FAHD2B: variants seen among roughly 807,000 people sequenced by gnomAD.
The protein encoded by FAHD2B is fumarylacetoacetate hydrolase domain containing 2B.
Under a neutral mutation model 33.7 loss-of-function variants are expected in FAHD2B, and 26 were observed. The ratio of observed to expected loss-of-function variants is 0.77; its 90% confidence interval spans 0.57 to 1.07. The LOEUF is 1.07. FAHD2B is among the 50% of genes least tolerant of loss of function. FAHD2B has a pLI of 0.00. For missense variants in FAHD2B, 272 were observed against 388.1 expected (o/e 0.70, Z 2.51); for synonymous variants, 108 against 150.9 (o/e 0.72, Z 2.08).
In FAHD2B at chr2:97,086,244, C is replaced by T. The variant is rs191984260; in HGVS notation, c.463-46G>A. On this transcript the variant is annotated intron_variant, in intron 4 of 8. Coordinates refer to ENST00000414820, the MANE Select transcript of FAHD2B (RefSeq NM_001320848.2). The stretch of plus-strand genomic sequence containing the variant: ...AGTGAGCCGCAGTGGCTTCGGGGCC[C>T]ATTATCTATGCTCAGAGGCTGTACG... The T allele has an allele frequency of 2.5e-6, 4 of 1,600,788 alleles. No individual in the cohort carries two copies. The Admixed American group carries it at 5.2e-5, about 21-fold the overall frequency.
At chr2:97,084,659 G>A (rs1021879233) in intron 6 of FAHD2B, among the ~76,000 whole-genome samples, 1 of 152,066 alleles carries the variant, frequency 6.6e-6, no homozygotes, top group Non-Finnish European at 1.5e-5. Context: ...TGTAATCATA[G>A]CACTTTGGGA....
chr2:97,087,283 A>C lies in FAHD2B; in HGVS notation c.463-1085T>G, dbSNP rs1390551131. ...AGCCAGGATGGTCTTGATCTCCTGA[A>C]CTCGTGATCTGCCCGCTTTGGCCTC... On this transcript the variant is annotated intron_variant, in intron 4 of 8. Transcript: ENST00000414820. Among the ~76,000 whole-genome samples, 12 of 151,990 alleles carry C rather than the reference A, an allele frequency of 7.9e-5. No individual in the cohort carries two copies. In the East Asian group the frequency reaches 1.9e-3, roughly 25 times the overall value.
chr2:97,083,502 C>T, downstream of FAHD2B: 1 of 712,632 alleles, frequency 1.4e-6, no homozygotes, highest in Non-Finnish European at 2.0e-6. Flanking sequence ...TGTATTTGCT[C>T]TCTTCTTCCC....
chr2:97,089,395 T>C (rs2032192052), intron 4 of FAHD2B, among the ~76,000 whole-genome samples: 1 of 148,826 alleles, frequency 6.7e-6, no homozygotes, highest in Admixed American at 6.8e-5. Flanking sequence ...GGCATGCGCC[T>C]GTAGTCCCAG....
intron 1 of FAHD2B, among the ~76,000 whole-genome samples, chr2:97,094,244 C>T (rs2032528337): frequency 6.6e-6 from 1 of 152,020 alleles, no homozygotes; most frequent in Non-Finnish European, 1.5e-5. Flanking sequence ...CCACATGACA[C>T]ACACATGCAG....
At chr2:97,081,315 C>A, downstream of FAHD2B, 1 of 1,515,988 alleles carries the variant, frequency 6.6e-7, no homozygotes. Context: ...AATGGCCCAT[C>A]CCTGCCCATG....
chr2:97,092,315 A>G (rs928460071), intron 1 of FAHD2B, among the ~76,000 whole-genome samples: 3 of 152,120 alleles, frequency 2.0e-5, no homozygotes, highest in Non-Finnish European at 4.4e-5. Context: ...ATCAAGCTAG[A>G]ACCTCTACCA....
At chr2:97,085,032 T>C (rs1393865756) in intron 6 of FAHD2B, among the ~76,000 whole-genome samples, 1 of 152,124 alleles carries the variant, frequency 6.6e-6, no homozygotes, top group African/African-American at 2.4e-5. Flanking sequence ...ACATCCTGGC[T>C]AACCAGCACT....
At chr2:97,081,737 GCACTGGA>G (rs1334746976), downstream of FAHD2B, among the ~76,000 whole-genome samples, 1 of 148,650 alleles carries the variant, frequency 6.7e-6, no homozygotes, top group African/African-American at 2.6e-5. Flanking sequence ...TCTCTGGATA[GCACTGGA>G]CATGTGTGCC....
At chr2:97,084,467 CCCA>C (rs200616594) in intron 6 of FAHD2B, among the ~76,000 whole-genome samples, 190 bp from the exon 7 acceptor site, 12 of 151,944 alleles carry the variant, frequency 7.9e-5, no homozygotes, top group African/African-American at 2.7e-4. Context: ...TCCCTGCATC[CCCA>C]CCAAGAGCAC....
chr2:97,079,789 C>T (rs1003711537), downstream of FAHD2B, among the ~76,000 whole-genome samples: 51 of 151,870 alleles, frequency 3.4e-4, no homozygotes, highest in African/African-American at 1.1e-3. Context: ...CTCAGCCTCC[C>T]GAGTAGCTGG....
chr2:97,079,918 G>T (rs2031587660), downstream of FAHD2B, among the ~76,000 whole-genome samples: 1 of 151,912 alleles, frequency 6.6e-6, no homozygotes, highest in Non-Finnish European at 1.5e-5. Flanking sequence ...TCCTGCCTTG[G>T]CCTCCCACAG....
Position 97,094,069 on chromosome 2 carries a change from TA to T in FAHD2B, c.-133+631del, listed in dbSNP as rs546559531. 5.2e-3 allele frequency among the ~76,000 whole-genome samples: 785 copies of T among 152,126 alleles called. 8 individuals carry two copies. Among genetic ancestry groups the T allele is most frequent in the African/African-American group, 0.018 (754 of 41,524 alleles). ...TCCATAGGAAATCCTCCAAAGGCCC[TA>T]AAGATTGTAGTGAGAAGTAGGGACC... is the stretch of plus-strand genomic sequence containing the variant. On this transcript the variant is annotated intron_variant, in intron 1 of 8. Transcript: ENST00000414820.
chr2:97,087,177 G>A (rs1246549123), intron 4 of FAHD2B, among the ~76,000 whole-genome samples: 2 of 151,704 alleles, frequency 1.3e-5, no homozygotes, highest in Non-Finnish European at 2.9e-5. Flanking sequence ...TCAGCCTCCC[G>A]AGTAGCTGGG....
In FAHD2B at chr2:97,086,055, C is replaced by T. The variant is rs374830049; in HGVS notation, c.522+84G>A. On this transcript the variant is annotated intron_variant, in intron 5 of 8. Coordinates refer to ENST00000414820, the MANE Select transcript of FAHD2B (RefSeq NM_001320848.2). Reference sequence around the variant, plus strand: ...GTCAGGGACAGCTGGTGCCGTGTGTCGGTGAGTGAGGTCAGAACTAGGAGA... The same window carrying T: ...GTCAGGGACAGCTGGTGCCGTGTGTTGGTGAGTGAGGTCAGAACTAGGAGA... 3.7e-3 allele frequency: 5,588 copies of T among 1,502,510 alleles called. 32 individuals carry two copies. Among genetic ancestry groups the T allele is most frequent in the East Asian group, 0.017 (713 of 42,658 alleles). The allele number at this position is 1,502,510 out of a possible 1,614,324, so 93.1% of individuals were successfully genotyped here. A position where few individuals can be genotyped will look rare whatever the true frequency, so the allele number is the denominator to read the frequency against.
At chr2:97,083,434 G>A, downstream of FAHD2B, 1 of 1,398,656 alleles carries the variant, frequency 7.1e-7, no homozygotes. Flanking sequence ...TGATAAACAA[G>A]GGGACGAGAC....
chr2:97,079,051 A>T (rs1180145562), downstream of FAHD2B, among the ~76,000 whole-genome samples: 1 of 152,114 alleles, frequency 6.6e-6, no homozygotes, highest in African/African-American at 2.4e-5. Flanking sequence ...TAGTTTGCTA[A>T]GGATAATGGC....
chr2:97,084,302 G>A (rs1480336376), intron 6 of FAHD2B, 25 bp from the exon 7 acceptor site: 4 of 1,611,608 alleles, frequency 2.5e-6, no homozygotes, highest in Non-Finnish European at 2.5e-6. Flanking sequence ...TGGAACCTTG[G>A]AGTTATCCCT....
chr2:97,091,478 G>A lies in FAHD2B; in HGVS notation c.229C>T (p.Leu77Phe), dbSNP rs1418738856. 6.2e-7 allele frequency: 1 copy of A among 1,612,476 alleles called. No individual in the cohort carries two copies. Among genetic ancestry groups the A allele is most frequent in the Admixed American group, 1.7e-5 (1 of 59,786 alleles). The part of the protein sequence containing the change: ...TQFLEQGEAT[L>F]SVARRALAAQ... ...CTTACTTACCTTCTTGCCACTGAGAGGGTGGCCTCTCCCTGCTCTAGGAAC... is the reference window on the plus strand; with the variant it reads ...CTTACTTACCTTCTTGCCACTGAGAAGGTGGCCTCTCCCTGCTCTAGGAAC... The change falls in exon 3 of 9, where the codon CTC becomes TTC. Residue 77 changes from leucine (L) to phenylalanine (F), a missense_variant. Leu to Phe is a conservative substitution (Grantham distance 22). Transcript: ENST00000414820.
Sources: gnomAD v4.1 joint callset for allele counts (sites outside exome capture counted in the v4.1 genomes callset) on GRCh38, gnomAD v4.1.1 for gene constraint, MANE v1.5 for transcripts, NCBI Gene and HGNC (gene_info 2026-07-23, HGNC 2026-07-21) for gene names.